STK10: variants seen among roughly 807,000 people sequenced by gnomAD.
STK10 encodes serine/threonine kinase 10.
In STK10, 78 loss-of-function variants were observed where a neutral mutation model predicts 113.8. The ratio of observed to expected loss-of-function variants is 0.69; its 90% CI spans 0.57 to 0.83. The LOEUF (loss-of-function observed/expected upper bound fraction) is 0.83. Ranked by LOEUF, STK10 falls within the 40% of genes least tolerant of loss-of-function variation. The pLI, the probability that STK10 is intolerant of heterozygous loss-of-function variation, is 0.00. For missense variants in STK10, 1,109 were observed against 1,280.1 expected, an observed-to-expected ratio of 0.87 and a Z score of 2.04; for synonymous variants, 465 against 494.7, an observed-to-expected ratio of 0.94 and a Z score of 0.80.
chr5:172,163,707 T>C (rs1561832178), intron 1 of STK10, among the ~76,000 whole-genome samples: 2 of 152,194 alleles, frequency 1.3e-5, no homozygotes, highest in Non-Finnish European at 2.9e-5. Flanking sequence ...TAAATTCTAA[T>C]GAACAAGACA....
chr5:172,087,660 C>T (rs367595241), intron 10 of STK10, among the ~76,000 whole-genome samples: 107 of 96,178 alleles, frequency 1.1e-3, no homozygotes, highest in African/African-American at 2.2e-3. Context: ...CTCGCTCTGT[C>T]GCCCAGGCCG....
At chr5:172,061,833 A>G (rs1767943865) in intron 13 of STK10, among the ~76,000 whole-genome samples, 1 of 152,200 alleles carries the variant, frequency 6.6e-6, no homozygotes, top group African/African-American at 2.4e-5. Flanking sequence ...GATGTTTGAC[A>G]GGTAAAATAA....
At chr5:172,069,142 A>C (rs1768129244) in intron 12 of STK10, among the ~76,000 whole-genome samples, 1 of 152,084 alleles carries the variant, frequency 6.6e-6, no homozygotes, top group Non-Finnish European at 1.5e-5. Flanking sequence ...AAGGAGGTAG[A>C]AAAACAGGGA....
intron 14 of STK10, among the ~76,000 whole-genome samples, chr5:172,058,136 G>T (rs868610762): frequency 6.6e-6 from 1 of 152,184 alleles, no homozygotes. Context: ...AGAATCTCAC[G>T]CCCTTCGAGA....
intron 12 of STK10, 58 bp from the exon 13 acceptor site, chr5:172,064,870 T>C (rs1040824696): frequency 6.3e-7 from 1 of 1,582,814 alleles, no homozygotes; most frequent in Non-Finnish European, 8.7e-7. Context: ...CTTCCTACAG[T>C]ATAATCTTCA....
intron 10 of STK10, among the ~76,000 whole-genome samples, chr5:172,089,264 T>C (rs1581149559): frequency 6.6e-6 from 1 of 152,234 alleles, no homozygotes; most frequent in African/African-American, 2.4e-5. Flanking sequence ...ACTTGTTTCA[T>C]GGCATGTACC....
At chr5:172,117,807 G>T (rs1487903814) in intron 3 of STK10, among the ~76,000 whole-genome samples, 177 bp from the exon 4 acceptor site, 1 of 151,902 alleles carries the variant, frequency 6.6e-6, no homozygotes, top group African/African-American at 2.4e-5. Flanking sequence ...GAGGTCAGGG[G>T]TTCAAGGCCA....
chr5:172,118,010 C>CAAAA lies in STK10; in HGVS notation c.371-384_371-381dup, dbSNP rs57672334. Among the ~76,000 whole-genome samples, 53 of 69,772 alleles carry CAAAA rather than the reference C, an allele frequency of 7.6e-4. 1 individual carries two copies. The highest frequency in any genetic ancestry group is 2.1e-3 in the African/African-American group (44 of 21,328). 45.8% of individuals were successfully genotyped at this position (69,772 alleles called of 152,430 possible). A position where few individuals can be genotyped will look rare whatever the true frequency, so the allele number is the denominator to read the frequency against. ...CCTGTGCGACAGTGATACTCCATCT[C>CAAAA]AAAAAAAAAAAAAAAAAAAAAGCCA... On this transcript the variant is annotated intron_variant, in intron 3 of 18. Transcript: ENST00000176763.
chr5:172,067,917 CTA>C lies in STK10; in HGVS notation c.1990-3107_1990-3106del, dbSNP rs1768103494. On this transcript the variant is annotated intron_variant, in intron 12 of 18. Coordinates refer to ENST00000176763, the MANE Select transcript of STK10 (RefSeq NM_005990.4). ...CATAATAAAACTTGAAAACCAAACA[CTA>C]AAAAAATTCAGGAGAGTAGTTAAGA... Among the ~76,000 whole-genome samples the C allele has an allele frequency of 2.0e-5, 3 of 152,132 alleles. No individual in the cohort carries two copies. In the South Asian group the frequency reaches 6.2e-4, roughly 32 times the overall value.
intron 12 of STK10, among the ~76,000 whole-genome samples, chr5:172,075,586 A>T (rs928597209): frequency 6.6e-6 from 1 of 152,220 alleles, no homozygotes; most frequent in African/African-American, 2.4e-5. Context: ...CTGAGGCAGG[A>T]GAATCGCTTG....
At chr5:172,087,849 C>T (rs1263960976) in intron 10 of STK10, among the ~76,000 whole-genome samples, 1 of 133,498 alleles carries the variant, frequency 7.5e-6, no homozygotes, top group East Asian at 2.1e-4. Flanking sequence ...AGGATGGTCT[C>T]GATCTCCTGA....
intron 13 of STK10, chr5:172,061,514 T>C (rs570787235): frequency 2.8e-6 from 1 of 363,326 alleles, no homozygotes; most frequent in Non-Finnish European, 4.9e-6. Flanking sequence ...TGCAGTGGCA[T>C]GATCTCGGCT....
Position 172,084,661 on chromosome 5 carries a change from ATCT to A in STK10, c.1686-1580_1686-1578del, listed in dbSNP as rs147146605. The stretch of plus-strand genomic sequence containing the variant: ...TGAAGAGGGAAATTTTTCACTGTTT[ATCT>A]TCTTTCTTTTTTTTTTTAATTTCGA... On this transcript the variant is annotated intron_variant, in intron 10 of 18. Transcript: ENST00000176763. 5.3e-3 allele frequency among the ~76,000 whole-genome samples: 799 copies of A among 151,878 alleles called. 12 individuals carry two copies. Among genetic ancestry groups the A allele is most frequent in the Admixed American group, 0.039 (594 of 15,244 alleles).
intron 9 of STK10, chr5:172,092,679 T>C (rs1331853586): frequency 6.6e-6 from 1 of 152,200 alleles, no homozygotes; most frequent in Non-Finnish European, 1.5e-5. Flanking sequence ...TCATACAGTA[T>C]TTCCTCTAAA....
intron 12 of STK10, among the ~76,000 whole-genome samples, chr5:172,072,798 A>G (rs1389807401): frequency 6.6e-6 from 1 of 152,224 alleles, no homozygotes; most frequent in Non-Finnish European, 1.5e-5. Context: ...AATAAAAAGC[A>G]TACAGATTGA....
chr5:172,071,034 C>A (rs1006896292), intron 12 of STK10, among the ~76,000 whole-genome samples: 1 of 151,102 alleles, frequency 6.6e-6, no homozygotes, highest in African/African-American at 2.4e-5. Flanking sequence ...ATGGTGAGAG[C>A]CCATGTCTAC....
chr5:172,050,642 T>A (rs1767607863), intron 18 of STK10, among the ~76,000 whole-genome samples: 1 of 152,054 alleles, frequency 6.6e-6, no homozygotes, highest in Non-Finnish European at 1.5e-5. Context: ...ATGACAAAAT[T>A]TGAGCATTCA....
chr5:172,135,139 A>T (rs188341353), intron 2 of STK10, among the ~76,000 whole-genome samples: 353 of 152,346 alleles, frequency 2.3e-3, no homozygotes, highest in African/African-American at 8.1e-3. Context: ...AAGATGCTCA[A>T]CATTACTAGT....
intron 2 of STK10, among the ~76,000 whole-genome samples, chr5:172,132,250 G>A (rs778508410): frequency 6.6e-6 from 1 of 152,110 alleles, no homozygotes; most frequent in Non-Finnish European, 1.5e-5. Flanking sequence ...GAGGATTACA[G>A]GTAGTTTGTA....
Sources: allele counts gnomAD v4.1 joint callset (sites outside exome capture counted in the v4.1 genomes callset), GRCh38; gene constraint gnomAD v4.1.1; transcripts MANE v1.5; gene names NCBI Gene and HGNC (gene_info 2026-07-23, HGNC 2026-07-21).